The following KIF1C variants were observed in gnomAD, a reference collection of about 807,000 sequenced individuals.
KIF1C encodes the protein kinesin-like protein KIF1C.
KIF1C carries 61 observed loss-of-function variants against 126.5 expected under a neutral mutation model. The ratio of observed to expected loss-of-function variants is 0.48; its 90% confidence interval spans 0.39 to 0.60. The LOEUF is 0.60. Ranked by LOEUF, KIF1C falls within the 20% of genes least tolerant of loss-of-function variation. The pLI, the probability that KIF1C is intolerant of heterozygous loss-of-function variation, is 0.00. For synonymous variants in KIF1C, 640 were observed against 580.6 expected (o/e 1.10, Z -1.47); for missense variants, 1,315 against 1,489.2 (o/e 0.88, Z 1.93).
rs535655372 is a variant in KIF1C, at chr17:5,024,105, G to A, written c.3266G>A (p.Arg1089Gln). ...TACACTACTCCCCCACGAATGAGACGGCAGCGTTCTGCCCCTGACCTCAAG... is the reference window on the plus strand; with the variant it reads ...TACACTACTCCCCCACGAATGAGACAGCAGCGTTCTGCCCCTGACCTCAAG... ...PPYTTPPRMRRQRSAPDLKES... is the reference protein window; with the variant it reads ...PPYTTPPRMRQQRSAPDLKES... The change falls in exon 23 of 23, where the codon CGG becomes CAG. Residue 1089 changes from arginine (R) to glutamine (Q), a missense_variant. Physicochemically the swap from Arg to Gln is conservative, Grantham distance 43. Coordinates refer to ENST00000320785, the MANE Select transcript of KIF1C (RefSeq NM_006612.6). 1.7e-5 allele frequency: 28 copies of A among 1,610,116 alleles called. No homozygotes were observed. Among genetic ancestry groups the A allele is most frequent in the African/African-American group, 1.7e-4 (13 of 74,814 alleles).
At position 5,024,488 on chromosome 17, in the gene KIF1C, G is replaced by A. The variant is rs1975171489; in HGVS notation, c.*337G>A. 1 of 266,108 alleles carries A rather than the reference G, an allele frequency of 3.8e-6. No individual in the cohort carries two copies. Among genetic ancestry groups the A allele is most frequent in the Admixed American group, 5.1e-5 (1 of 19,444 alleles). 16.5% of individuals were successfully genotyped at this position (266,108 alleles called of 1,614,324 possible). On this transcript the variant is annotated 3_prime_UTR_variant, in exon 23 of 23. Transcript: ENST00000320785. ...GTGTTTGACTTTCTTTTCAAGTGGGGGAAAGTGGGAGAGGACTGAGAGTGA... is the reference window on the plus strand; with the variant it reads ...GTGTTTGACTTTCTTTTCAAGTGGGAGAAAGTGGGAGAGGACTGAGAGTGA...
In KIF1C at chr17:4,999,910, T is replaced by A; in HGVS notation, c.-88T>A. 1 of 299,618 alleles carries A rather than the reference T, an allele frequency of 3.3e-6. No individual in the cohort carries two copies. 18.6% of individuals were successfully genotyped at this position (299,618 alleles called of 1,614,324 possible). ...CCCAGGAGTAGGATGGGGCTCCCCC[T>A]ACGAGGGCCGGTGGCAGCCAGAACT... is the stretch of plus-strand genomic sequence containing the variant. On this transcript the variant is annotated 5_prime_UTR_variant, in exon 2 of 23. Transcript: ENST00000320785.
At chr17:5,003,747 G>C in intron 9 of KIF1C, 58 bp downstream of exon 9, 1 of 1,567,376 alleles carries the variant, frequency 6.4e-7, no homozygotes, top group Non-Finnish European at 8.8e-7. Context: ...TGTATGTGGA[G>C]GTCTCCAGTC....
In KIF1C at chr17:5,003,593, C is replaced by G. The variant is rs1164036325; in HGVS notation, c.721-19C>G. Reference sequence around the variant, plus strand: ...CCCCCACCCGCACCTTATCTCCTGCCTGTTTCCTCTGACCCCAGGTCAGTA... The same window carrying G: ...CCCCCACCCGCACCTTATCTCCTGCGTGTTTCCTCTGACCCCAGGTCAGTA... On this transcript the variant is annotated intron_variant, in intron 8 of 22. Coordinates refer to ENST00000320785, the MANE Select transcript of KIF1C (RefSeq NM_006612.6). The G allele has an allele frequency of 1.3e-6, 2 of 1,594,498 alleles. No homozygotes were observed. Among genetic ancestry groups the G allele is most frequent in the African/African-American group, 1.3e-5 (1 of 74,348 alleles).
intron 16 of KIF1C, among the ~76,000 whole-genome samples, chr17:5,008,504 C>G (rs1459725595): frequency 6.6e-6 from 1 of 152,338 alleles, no homozygotes; most frequent in Non-Finnish European, 1.5e-5. Context: ...ACACTGTGCT[C>G]TGAGCCAGAC....
chr17:5,004,788 A>G (rs1177087145), intron 12 of KIF1C, 67 bp from the exon 13 acceptor site: 1 of 1,607,828 alleles, frequency 6.2e-7, no homozygotes, highest in African/African-American at 1.3e-5. Flanking sequence ...GAGAGGGGGA[A>G]GGAGAAACAG....
In KIF1C at chr17:5,020,476, C is replaced by T. The variant is rs925596244; in HGVS notation, c.1751-16C>T. ...TGATGGGAAGCGAGTTTACTTTTCC[C>T]TCCTCCCATCTCTAGGGAATAGGAT... On this transcript the variant is annotated splice_polypyrimidine_tract_variant and intron_variant, in intron 19 of 22. Transcript: ENST00000320785. The surrounding 1 kb of genome is among the most constrained non-coding windows in gnomAD (Gnocchi z 5.8). 1.9e-6 allele frequency: 3 copies of T among 1,594,272 alleles called. No homozygotes were observed. The highest frequency in any genetic ancestry group is 1.7e-4 in the Middle Eastern group (1 of 5,956).
chr17:5,008,385 T>G (rs995073674), intron 16 of KIF1C, among the ~76,000 whole-genome samples: 1 of 152,248 alleles, frequency 6.6e-6, no homozygotes, highest in African/African-American at 2.4e-5. Context: ...GAAGGGATGG[T>G]GCAGAGGCCA....
At position 5,022,703 on chromosome 17, in the gene KIF1C, G is replaced by T. The variant is rs1975121760; in HGVS notation, c.2622G>T (p.Leu874=). The T allele has an allele frequency of 5.2e-6, 8 of 1,539,334 alleles. No homozygotes were observed. The East Asian group carries it at 1.8e-4, about 35-fold the overall frequency. ...RMLRMERVIP[L]AQDHEDENEE... is the part of the protein sequence containing the mutation. ...TCCGCATGGAGAGGGTCATCCCCCTGGCCCAGGTAGGACTGGCCTTCTGCC... is the reference window on the plus strand; with the variant it reads ...TCCGCATGGAGAGGGTCATCCCCCTTGCCCAGGTAGGACTGGCCTTCTGCC... Residue 874 remains leucine, a synonymous_variant, in exon 22 of 23, where the codon CTG becomes CTT. Coordinates refer to ENST00000320785, the MANE Select transcript of KIF1C (RefSeq NM_006612.6). The surrounding 1 kb of genome is among the most constrained non-coding windows in gnomAD (Gnocchi z 4.9).
intron 18 of KIF1C, among the ~76,000 whole-genome samples, chr17:5,017,245 T>C (rs540519024): frequency 6.6e-6 from 1 of 151,542 alleles, no homozygotes; most frequent in South Asian, 2.1e-4. Context: ...TGATTCTGTG[T>C]TGCCAAGGGT....
In KIF1C at chr17:5,022,989, G is replaced by A. The variant is rs1038660972; in HGVS notation, c.2628+280G>A. Among the ~76,000 whole-genome samples, 1 of 152,178 alleles carries A rather than the reference G, an allele frequency of 6.6e-6. No individual in the cohort carries two copies. The highest frequency in any genetic ancestry group is 2.4e-5 in the African/African-American group (1 of 41,420). On this transcript the variant is annotated intron_variant, in intron 22 of 22. Coordinates refer to ENST00000320785, the MANE Select transcript of KIF1C (RefSeq NM_006612.6). This position sits in a 1 kb window ranked among gnomAD's most constrained non-coding sequence, Gnocchi z 4.9. ...CTGGGTGTTTCTGAAATACAGTGAAGTCTAAGACCCACTGATATAAAGTTT... is the reference window on the plus strand; with the variant it reads ...CTGGGTGTTTCTGAAATACAGTGAAATCTAAGACCCACTGATATAAAGTTT...
At position 5,005,974 on chromosome 17, in the gene KIF1C, A is replaced by C. The variant is rs545988580; in HGVS notation, c.1166-941A>C. 4.6e-5 allele frequency among the ~76,000 whole-genome samples: 7 copies of C among 152,044 alleles called. No homozygotes were observed. The East Asian group carries it at 1.2e-3, about 26-fold the overall frequency. On this transcript the variant is annotated intron_variant, in intron 13 of 22. Transcript: ENST00000320785. ...GTAATCCCAGCATTTGGGGAGGCCA[A>C]GGCAGGCAGGTCACCTGAGTTCAGG...
chr17:5,016,531 G>A lies in KIF1C; in HGVS notation c.1666+1694G>A, dbSNP rs558914958. ...CTCCCAAAGTGCCAGGATTACAGGC[G>A]TGAGCCACCGCACCCGGCCAGCACA... On this transcript the variant is annotated intron_variant, in intron 18 of 22. Transcript: ENST00000320785. Among the ~76,000 whole-genome samples the A allele has an allele frequency of 2.0e-4, 31 of 151,872 alleles. 1 individual carries two copies. The highest frequency in any genetic ancestry group is 3.8e-4 in the Non-Finnish European group (26 of 67,944).
intron 5 of KIF1C, 44 bp from the exon 6 acceptor site, chr17:5,002,015 C>G: frequency 6.4e-7 from 1 of 1,573,648 alleles, no homozygotes; most frequent in Non-Finnish European, 8.7e-7. Context: ...TTTAGGTGTG[C>G]CCTGAACAGG....
At chr17:5,002,685 G>A (rs769864320) in intron 7 of KIF1C, 43 bp downstream of exon 7, 6 of 1,612,508 alleles carry the variant, frequency 3.7e-6, no homozygotes, top group Admixed American at 1.7e-5. Flanking sequence ...GGCCAGGGTT[G>A]GGAAGGTGAG....
chr17:5,013,400 G>A (rs904568356), intron 16 of KIF1C, among the ~76,000 whole-genome samples: 1 of 152,064 alleles, frequency 6.6e-6, no homozygotes, highest in Non-Finnish European at 1.5e-5. Flanking sequence ...AATTTTTGTC[G>A]GCCCCTTGTG....
chr17:5,001,156 AC>A, intron 4 of KIF1C, 65 bp from the exon 5 acceptor site: 2 of 1,511,848 alleles, frequency 1.3e-6, no homozygotes, highest in Non-Finnish European at 1.8e-6. Flanking sequence ...GACTCTTGGG[AC>A]AGAGACACAA....
At chr17:5,000,620 C>A in intron 3 of KIF1C, 152 bp from the exon 4 acceptor site, 1 of 746,712 alleles carries the variant, frequency 1.3e-6, no homozygotes, top group Non-Finnish European at 2.2e-6. Context: ...GCTTTGGTGG[C>A]TGGAGGGGGT....
chr17:5,020,416 T>A lies in KIF1C; in HGVS notation c.1751-76T>A. The A allele has an allele frequency of 1.4e-6, 2 of 1,420,408 alleles. No individual in the cohort carries two copies. Among genetic ancestry groups the A allele is most frequent in the Non-Finnish European group, 1.9e-6 (2 of 1,043,230 alleles). The allele number at this position is 1,420,408 out of a possible 1,614,324, so 88.0% of individuals were successfully genotyped here. ...GGGTGTCACAGCCCCTGTGCCAGAT[T>A]CTCTATGCCTTGGGTGTAGGGATGG... is the stretch of plus-strand genomic sequence containing the variant. On this transcript the variant is annotated intron_variant, in intron 19 of 22. Coordinates refer to ENST00000320785, the MANE Select transcript of KIF1C (RefSeq NM_006612.6). This position sits in a 1 kb window ranked among gnomAD's most constrained non-coding sequence, Gnocchi z 5.8.
Sources: gnomAD v4.1 joint callset for allele counts (sites outside exome capture counted in the v4.1 genomes callset) on GRCh38, gnomAD v4.1.1 for gene constraint, Gnocchi (gnomAD v3.1) non-coding constraint, MANE v1.5 for transcripts, NCBI Gene and HGNC (gene_info 2026-07-23, HGNC 2026-07-21) for gene names.